RAET1G: variants seen among roughly 807,000 people sequenced by gnomAD.
RAET1G encodes UL-16 binding protein 5.
In RAET1G, 25 loss-of-function variants were observed where a neutral mutation model predicts 29.5. The ratio of observed to expected loss-of-function variants is 0.85; its 90% CI spans 0.62 to 1.18. The LOEUF is 1.18. RAET1G is among the 50% of genes most tolerant of loss of function. The pLI is 0.00. For missense variants in RAET1G, 434 were observed against 423.6 expected (o/e 1.02, Z -0.22); for synonymous variants, 167 against 159.5 (o/e 1.05, Z -0.36).
chr6:149,918,321 CA>C lies in RAET1G; in HGVS notation c.694del (p.Cys232AlafsTer16), dbSNP rs1162984123. 4 of 1,613,604 alleles carry C rather than the reference CA, an allele frequency of 2.5e-6. No individual in the cohort carries two copies. The South Asian group carries it at 4.4e-5, about 18-fold the overall frequency. On this transcript the variant is annotated frameshift_variant, in exon 4 of 5. Transcript: ENST00000367360. LOFTEE classifies it high-confidence loss of function. ...GAGGAGACACATGATGAGGAGGCAGCAAAGGATGAGGGTGGTGGCCGTGGCC... is the reference window on the plus strand; with the variant it reads ...GAGGAGACACATGATGAGGAGGCAGCAAGGATGAGGGTGGTGGCCGTGGCC... ...PRATATTLIL[C>X]CLLIMCLLIC...
Position 149,922,950 on chromosome 6 carries a change from T to C in RAET1G, c.61A>G (p.Ser21Gly). The C allele has an allele frequency of 6.2e-7, 1 of 1,603,056 alleles. No individual in the cohort carries two copies. Among genetic ancestry groups the C allele is most frequent in the Non-Finnish European group, 8.5e-7 (1 of 1,175,712 alleles). ...LRLPLLLLLS[S>G]WCRTGLADPH... ...CCGGCCAGCCCGGTCCTGCACCAGC[T>C]GGACAGCAGGAGCAGAAGCGGGAGG... Residue 21 changes from serine (S) to glycine (G), a missense_variant, in exon 1 of 5, where the codon AGC becomes GGC. Physicochemically the swap from Ser to Gly is moderately conservative, Grantham distance 56. Transcript: ENST00000367360.
chr6:149,918,741 A>C (rs1323122569), intron 3 of RAET1G: 2 of 601,124 alleles, frequency 3.3e-6, no homozygotes, highest in African/African-American at 3.7e-5. Context: ...AGTGATTCTC[A>C]AGAGGGAACA....
At chr6:149,922,793 G>T in intron 1 of RAET1G, 133 bp downstream of exon 1, 2 of 601,282 alleles carry the variant, frequency 3.3e-6, no homozygotes, top group East Asian at 3.3e-5. Context: ...GAGACGCGGA[G>T]GGAAACTGAG....
At position 149,916,893 on chromosome 6, in the gene RAET1G, A is replaced by G; in HGVS notation, c.*19T>C. 6.7e-7 allele frequency: 1 copy of G among 1,485,758 alleles called. No homozygotes were observed. The highest frequency in any genetic ancestry group is 9.0e-7 in the Non-Finnish European group (1 of 1,114,894). The allele number at this position is 1,485,758 out of a possible 1,614,324, so 92.0% of individuals were successfully genotyped here. ...AAGACAAAGAGACGGAAGAAAAGAC[A>G]GCTGGGCCCAGGGAACCATCAAGAT... On this transcript the variant is annotated 3_prime_UTR_variant, in exon 5 of 5. Transcript: ENST00000367360.
In RAET1G at chr6:149,919,195, G is replaced by T; in HGVS notation, c.479C>A (p.Thr160Lys). ...LFDSENRMWTTVHPGARKMKE... is the reference protein window; with the variant it reads ...LFDSENRMWTKVHPGARKMKE... ...CATCTTTCTGGCTCCAGGATGAACCGTTGTCCACATTCTGTTTTCTGAGTC... is the reference window on the plus strand; with the variant it reads ...CATCTTTCTGGCTCCAGGATGAACCTTTGTCCACATTCTGTTTTCTGAGTC... Residue 160 changes from threonine (T) to lysine (K), a missense_variant, in exon 3 of 5, where the codon ACG becomes AAG. Thr to Lys is a moderately conservative substitution (Grantham distance 78, BLOSUM62 -1). Coordinates refer to ENST00000367360, the MANE Select transcript of RAET1G (RefSeq NM_001001788.4). The T allele has an allele frequency of 6.2e-7, 1 of 1,614,164 alleles. No homozygotes were observed. Among genetic ancestry groups the T allele is most frequent in the African/African-American group, 1.3e-5 (1 of 75,030 alleles).
intron 3 of RAET1G, 100 bp from the exon 4 acceptor site, chr6:149,918,484 G>C: frequency 7.4e-7 from 1 of 1,357,522 alleles, no homozygotes; most frequent in African/African-American, 1.4e-5. Context: ...GGAAGGCAGA[G>C]GTTTTGTCCC....
intron 1 of RAET1G, among the ~76,000 whole-genome samples, chr6:149,920,903 A>G (rs1161897426): frequency 6.6e-6 from 1 of 152,244 alleles, no homozygotes; most frequent in Non-Finnish European, 1.5e-5. Context: ...CAGGAGGCTG[A>G]AAGTAGCCAG....
rs563805691 is a variant in RAET1G, at chr6:149,921,636, C to T, written c.85+1290G>A. On this transcript the variant is annotated intron_variant, in intron 1 of 4. Transcript: ENST00000367360. ...ACCCCCTTACCCTCAGCTTACACCT[C>T]AGGTTTCAGGGAAGGTCACTGATGG... Among the ~76,000 whole-genome samples the T allele has an allele frequency of 3.3e-5, 5 of 152,280 alleles. No individual in the cohort carries two copies. The South Asian group carries it at 1.0e-3, about 32-fold the overall frequency.
At chr6:149,918,645 C>T (rs2114647386) in intron 3 of RAET1G, 1 of 610,610 alleles carries the variant, frequency 1.6e-6, no homozygotes, top group Non-Finnish European at 2.9e-6. Context: ...GGTGATGCTC[C>T]AGGGTGCGGG....
At chr6:149,919,015 A>G (rs1270297785) in intron 3 of RAET1G, 28 bp downstream of exon 3, 6 of 1,612,018 alleles carry the variant, frequency 3.7e-6, no homozygotes. Context: ...ATCTCATTGG[A>G]GATCCCCATT....
chr6:149,920,108 G>C (rs1778563947), intron 1 of RAET1G, among the ~76,000 whole-genome samples: 1 of 152,030 alleles, frequency 6.6e-6, no homozygotes, highest in South Asian at 2.1e-4. Context: ...GGTGCCAGGA[G>C]TGCTAGAGGA....
intron 2 of RAET1G, 37 bp downstream of exon 2, chr6:149,919,516 A>G (rs1778544116): frequency 1.2e-6 from 2 of 1,614,002 alleles, no homozygotes; most frequent in Non-Finnish European, 8.5e-7. Context: ...CTACCACTGT[A>G]TCTGCTCCCT....
chr6:149,922,873 A>G, intron 1 of RAET1G, 53 bp downstream of exon 1: 1 of 1,345,652 alleles, frequency 7.4e-7, no homozygotes, highest in Non-Finnish European at 1.0e-6. Flanking sequence ...CCCACAGTCC[A>G]CAGCCCCCCA....
Position 149,922,994 on chromosome 6 carries a change from C to A in RAET1G, c.17G>T (p.Ser6Ile). 1 of 1,602,852 alleles carries A rather than the reference C, an allele frequency of 6.2e-7. No homozygotes were observed. Among genetic ancestry groups the A allele is most frequent in the African/African-American group, 1.3e-5 (1 of 74,980 alleles). ...CGGGAGGCGTAGAAGGAACGCGGGG[C>A]TGGCGGCCGCTGCCATTGGGGAGTT... MAAAASPAFLLRLPLL... is the reference protein window; with the variant it reads MAAAAIPAFLLRLPLL... The change falls in exon 1 of 5, where the codon AGC becomes ATC. Residue 6 changes from serine (S) to isoleucine (I), a missense_variant. Transcript: ENST00000367360.
At position 149,917,081 on chromosome 6, in the gene RAET1G, C is replaced by T. The variant is rs1325720549; in HGVS notation, c.843-7G>A. 16 of 1,540,818 alleles carry T rather than the reference C, an allele frequency of 1.0e-5. No individual in the cohort carries two copies. Among genetic ancestry groups the T allele is most frequent in the African/African-American group, 1.4e-5 (1 of 72,560 alleles). On this transcript the variant is annotated splice_region_variant and splice_polypyrimidine_tract_variant and intron_variant, in intron 4 of 4. Transcript: ENST00000367360. ...GCGCTTCGCTATTTGGTAGCTGAGG[C>T]GGAGAGAGAGAGGACAGCTTACGTC... is the stretch of plus-strand genomic sequence containing the variant.
At chr6:149,917,730 C>T (rs1778480195) in intron 4 of RAET1G, among the ~76,000 whole-genome samples, 1 of 152,176 alleles carries the variant, frequency 6.6e-6, no homozygotes, top group South Asian at 2.1e-4. Flanking sequence ...TTGCCGCCCA[C>T]ACATATCTCT....
rs749934258 is a variant in RAET1G at position 149,917,053 on chromosome 6, G to C, written c.864C>G (p.Pro288=). The stretch of plus-strand genomic sequence containing the variant: ...CGCGAGTCACGTGTCCACCAGACAA[G>C]GGGCGCTTCGCTATTTGGTAGCTGA... ...WSDSYQIAKR[P]LSGGHVTRVT... Residue 288 remains proline, a synonymous_variant, in exon 5 of 5, where the codon CCC becomes CCG. Transcript: ENST00000367360. 12 of 1,548,820 alleles carry C rather than the reference G, an allele frequency of 7.7e-6. No homozygotes were observed. In the South Asian group the frequency reaches 1.1e-4, roughly 14 times the overall value.
At chr6:149,918,489 TG>T in intron 3 of RAET1G, 105 bp from the exon 4 acceptor site, 1 of 1,303,888 alleles carries the variant, frequency 7.7e-7, no homozygotes, top group Non-Finnish European at 1.1e-6. Flanking sequence ...GCAGAGGTTT[TG>T]TCCCCTCTGC....
chr6:149,920,575 A>C (rs1201516686), intron 1 of RAET1G, among the ~76,000 whole-genome samples: 1 of 152,162 alleles, frequency 6.6e-6, no homozygotes, highest in African/African-American at 2.4e-5. Flanking sequence ...GATGAAGCTC[A>C]GGGATGCCTA....
Sources: gnomAD v4.1 joint callset for allele counts (sites outside exome capture counted in the v4.1 genomes callset) on GRCh38, gnomAD v4.1.1 for gene constraint, MANE v1.5 for transcripts, NCBI Gene and HGNC (gene_info 2026-07-23, HGNC 2026-07-21) for gene names.